CTNNA2: variants seen among roughly 807,000 people sequenced by gnomAD.
CTNNA2 encodes catenin alpha 2, also known as catenin alpha-2.
In CTNNA2, 42 loss-of-function variants were observed where a neutral mutation model predicts 101.0. The observed-to-expected ratio is 0.42, with a 90% confidence interval of 0.32 to 0.54. The LOEUF (loss-of-function observed/expected upper bound fraction) is 0.54. CTNNA2 is among the 20% of genes least tolerant of loss of function. The pLI is 0.14. For synonymous variants in CTNNA2, 450 were observed against 456.4 expected (o/e 0.99, Z 0.18); for missense variants, 871 against 1,223.1 (o/e 0.71, Z 4.29).
chr2:79,372,465 G>T (rs951392032), intron 3 of CTNNA2, among the ~76,000 whole-genome samples: 5 of 152,082 alleles, frequency 3.3e-5, no homozygotes, highest in Non-Finnish European at 7.4e-5. Flanking sequence ...CCTACTCGAG[G>T]TTCTACCATT....
chr2:79,609,163 A>G (rs1418762983), intron 1 of CTNNA2, among the ~76,000 whole-genome samples: 2 of 152,040 alleles, frequency 1.3e-5, no homozygotes, highest in East Asian at 3.8e-4. Context: ...CAAAAATTAT[A>G]CAATATTGCT....
At chr2:79,549,455 C>G (rs1252594833) in intron 1 of CTNNA2, among the ~76,000 whole-genome samples, 17 of 152,118 alleles carry the variant, frequency 1.1e-4, no homozygotes, top group Admixed American at 1.1e-3. Flanking sequence ...TGGTTTAGAT[C>G]CCTTCAGAGT....
At chr2:80,251,157 T>C (rs1031722309) in intron 7 of CTNNA2, among the ~76,000 whole-genome samples, 9 of 152,188 alleles carry the variant, frequency 5.9e-5, no homozygotes, top group Non-Finnish European at 1.3e-4. Flanking sequence ...AGTAAGTCCT[T>C]AGTAGCACTG....
At chr2:80,255,740 A>G (rs1672091308) in intron 7 of CTNNA2, among the ~76,000 whole-genome samples, 1 of 152,184 alleles carries the variant, frequency 6.6e-6, no homozygotes, top group Non-Finnish European at 1.5e-5. Context: ...TGTTCCAGGA[A>G]AGGATGAAAG....
intron 18 of CTNNA2, among the ~76,000 whole-genome samples, chr2:80,625,302 T>C (rs543919184): frequency 6.6e-6 from 1 of 152,132 alleles, no homozygotes; most frequent in Admixed American, 6.6e-5. Flanking sequence ...TAACATAAAC[T>C]GAAGGATTAG....
intron 7 of CTNNA2, among the ~76,000 whole-genome samples, chr2:79,921,865 C>T (rs1287008791): frequency 1.3e-5 from 2 of 152,098 alleles, no homozygotes; most frequent in East Asian, 1.9e-4. Flanking sequence ...GCATTTTGCC[C>T]GACTGCTCCT....
intron 3 of CTNNA2, among the ~76,000 whole-genome samples, chr2:79,817,131 A>T (rs1241639547): frequency 6.6e-6 from 1 of 151,748 alleles, no homozygotes; most frequent in East Asian, 1.9e-4. Context: ...GGTGTGCTGC[A>T]CCCATTAACT....
At chr2:80,136,391 C>T (rs1652941456) in intron 7 of CTNNA2, among the ~76,000 whole-genome samples, 1 of 152,132 alleles carries the variant, frequency 6.6e-6, no homozygotes, top group Non-Finnish European at 1.5e-5. Context: ...TTATTGATTG[C>T]TATAGTCAAC....
intron 2 of CTNNA2, among the ~76,000 whole-genome samples, chr2:79,742,186 A>G (rs1671332688): frequency 6.6e-6 from 1 of 152,208 alleles, no homozygotes; most frequent in Non-Finnish European, 1.5e-5. Context: ...ATGCACCATG[A>G]CATACAGAAG....
chr2:79,192,804 C>G lies in CTNNA2; in HGVS notation c.-523-5155C>G, dbSNP rs551388204. ...GTAGGTGACAAGAATTGTAGATTTT[C>G]TATTAAATTGTAATTGCTTTCAATT... On this transcript the variant is annotated intron_variant, in intron 1 of 21. Transcript: ENST00000466387. 1.2e-4 allele frequency among the ~76,000 whole-genome samples: 18 copies of G among 151,968 alleles called. No homozygotes were observed. The South Asian group carries it at 3.7e-3, about 32-fold the overall frequency.
intron 7 of CTNNA2, among the ~76,000 whole-genome samples, chr2:80,222,052 A>G (rs1298059978): frequency 2.6e-5 from 4 of 152,150 alleles, no homozygotes; most frequent in Non-Finnish European, 4.4e-5. Context: ...AACACTTGAC[A>G]TGTAGAATTA....
At chr2:79,820,014 C>T (rs139793198) in intron 3 of CTNNA2, among the ~76,000 whole-genome samples, 455 of 152,114 alleles carry the variant, frequency 3.0e-3, no homozygotes, top group Non-Finnish European at 5.1e-3. Context: ...CTTAGTTCAT[C>T]GTCTAGTTGG....
intron 2 of CTNNA2, among the ~76,000 whole-genome samples, chr2:79,305,986 CA>C (rs1676233611): frequency 6.8e-6 from 1 of 146,232 alleles, no homozygotes; most frequent in Non-Finnish European, 1.5e-5. Flanking sequence ...GCAGAGCTTG[CA>C]GTGAGCTGAG....
At chr2:80,224,831 T>C (rs993671889) in intron 7 of CTNNA2, among the ~76,000 whole-genome samples, 2 of 145,928 alleles carry the variant, frequency 1.4e-5, no homozygotes, top group Admixed American at 1.4e-4. Context: ...ACATCCTCAA[T>C]TATACAGCTT....
rs1318897339 is a variant in CTNNA2, at chr2:79,543,170, T to G, written c.-6+29963T>G. Among the ~76,000 whole-genome samples the G allele has an allele frequency of 2.0e-5, 3 of 152,136 alleles. No homozygotes were observed. The East Asian group carries it at 5.8e-4, about 29-fold the overall frequency. On this transcript the variant is annotated intron_variant, in intron 1 of 18. Transcript: ENST00000402739. ...CGACATTAGATCTTTGATATATACT[T>G]TTACTATTTCGGAACACGTTCATAA...
At chr2:79,331,239 C>A (rs958697118) in intron 3 of CTNNA2, among the ~76,000 whole-genome samples, 8 of 152,082 alleles carry the variant, frequency 5.3e-5, no homozygotes, top group African/African-American at 1.9e-4. Context: ...CTCTTGGATC[C>A]CACTTACCTA....
chr2:80,333,071 A>G (rs1671477802), intron 7 of CTNNA2, among the ~76,000 whole-genome samples: 1 of 152,242 alleles, frequency 6.6e-6, no homozygotes, highest in Non-Finnish European at 1.5e-5. Flanking sequence ...TCATTAAAAT[A>G]GAAGAGCAGA....
intron 1 of CTNNA2, among the ~76,000 whole-genome samples, chr2:79,602,050 A>AAAATG (rs138043907): frequency 2.6e-5 from 4 of 151,970 alleles, no homozygotes; most frequent in Non-Finnish European, 4.4e-5. Flanking sequence ...ATTGAAAAAC[A>AAAATG]GTTCTGTGGG....
Position 79,651,544 on chromosome 2 carries a change from T to A in CTNNA2, c.-5-8T>A, listed in dbSNP as rs755707809. ...ATTATTTCTAACTGATTACATGTGTTCCCATAGGGAGCATGACTTCGGCAA... is the reference window on the plus strand; with the variant it reads ...ATTATTTCTAACTGATTACATGTGTACCCATAGGGAGCATGACTTCGGCAA... On this transcript the variant is annotated splice_polypyrimidine_tract_variant and splice_region_variant and intron_variant, in intron 1 of 18. Transcript: ENST00000402739. The A allele has an allele frequency of 8.1e-6, 13 of 1,611,406 alleles. No homozygotes were observed. In the Admixed American group the frequency reaches 2.2e-4, roughly 27 times the overall value.
Sources: allele counts gnomAD v4.1 joint callset (sites outside exome capture counted in the v4.1 genomes callset), GRCh38; gene constraint gnomAD v4.1.1; transcripts MANE v1.5; gene names NCBI Gene and HGNC (gene_info 2026-07-23, HGNC 2026-07-21).